The following TMPRSS11F variants were observed in gnomAD, a reference collection of about 807,000 sequenced individuals.
TMPRSS11F encodes the protein transmembrane protease serine 11F.
Under a neutral mutation model 60.2 loss-of-function variants are expected in TMPRSS11F, and 47 were observed. The observed-to-expected ratio is 0.78, with a 90% CI of 0.62 to 1.00. The LOEUF (loss-of-function observed/expected upper bound fraction) is 1.00, where lower values mean the gene tolerates loss of function less well. Among genes scored for constraint, TMPRSS11F ranks in the 50% least tolerant of loss-of-function variants. The pLI, the probability that TMPRSS11F is intolerant of heterozygous loss-of-function variation, is 0.00. For missense variants in TMPRSS11F, 519 were observed against 522.9 expected (o/e 0.99, Z 0.07); for synonymous variants, 166 against 167.3 (o/e 0.99, Z 0.06).
intron 7 of TMPRSS11F, among the ~76,000 whole-genome samples, chr4:68,065,321 T>C (rs1461477542): frequency 6.6e-6 from 1 of 152,158 alleles, no homozygotes; most frequent in South Asian, 2.1e-4. Flanking sequence ...ACTCACTTTT[T>C]GGTTCTTATT....
chr4:68,087,993 G>A (rs1293529044), intron 3 of TMPRSS11F, among the ~76,000 whole-genome samples: 3 of 150,978 alleles, frequency 2.0e-5, no homozygotes, highest in Non-Finnish European at 2.9e-5. Context: ...TCTTGCGATA[G>A]TTTACTGAGA....
chr4:68,081,492 A>G (rs1723695777), intron 3 of TMPRSS11F, among the ~76,000 whole-genome samples: 1 of 152,198 alleles, frequency 6.6e-6, no homozygotes, highest in Non-Finnish European at 1.5e-5. Flanking sequence ...TAATTACTGG[A>G]TGCTCCCAAG....
chr4:68,099,588 T>G (rs1156706006), intron 1 of TMPRSS11F, among the ~76,000 whole-genome samples: 1 of 152,220 alleles, frequency 6.6e-6, no homozygotes, highest in Non-Finnish European at 1.5e-5. Flanking sequence ...TTACATCATT[T>G]ACCTTTTTCC....
At chr4:68,088,912 A>C (rs1355262322) in intron 3 of TMPRSS11F, among the ~76,000 whole-genome samples, 2 of 152,108 alleles carry the variant, frequency 1.3e-5, no homozygotes, top group African/African-American at 2.4e-5. Context: ...AGACAAAACA[A>C]ACGTTGTCTC....
intron 5 of TMPRSS11F, 72 bp downstream of exon 5, chr4:68,072,237 ATATATATATATATT>A (rs1450247047): frequency 7.1e-6 from 1 of 140,454 alleles, no homozygotes; most frequent in Non-Finnish European, 1.5e-5. Context: ...AAAAATATAT[ATATATATATATATT>A]GCTTACAAAA....
intron 3 of TMPRSS11F, among the ~76,000 whole-genome samples, chr4:68,075,006 A>T (rs1322108943): frequency 6.6e-6 from 1 of 152,214 alleles, no homozygotes; most frequent in Non-Finnish European, 1.5e-5. Context: ...AAATTTTTTT[A>T]AAAAGCACTG....
Position 68,064,858 on chromosome 4 carries a change from A to C in TMPRSS11F, c.842T>G (p.Leu281Arg), listed in dbSNP as rs1723289821. ...TGTTTCTCTATGGTAATTCTCATGA[A>C]GAATAATTTTCCTCACATTTCGTTT... Reference protein sequence around the residue: ...AVKRNVRKIILHENYHRETNE... With the variant: ...AVKRNVRKIIRHENYHRETNE... Residue 281 changes from leucine (L) to arginine (R), a missense_variant, in exon 8 of 10, where the codon CTT becomes CGT. Leu to Arg is a moderately radical substitution (Grantham distance 102). Transcript: ENST00000356291. 1.9e-6 allele frequency: 3 copies of C among 1,614,126 alleles called. No individual in the cohort carries two copies. Among genetic ancestry groups the C allele is most frequent in the Non-Finnish European group, 1.7e-6 (2 of 1,179,980 alleles).
chr4:68,118,598 G>A (rs1423074019), intron 1 of TMPRSS11F, among the ~76,000 whole-genome samples: 1 of 152,156 alleles, frequency 6.6e-6, no homozygotes, highest in Non-Finnish European at 1.5e-5. Flanking sequence ...GTAATTCTGA[G>A]ATTTCTTAAT....
chr4:68,059,357 C>T lies in TMPRSS11F; in HGVS notation c.1127G>A (p.Gly376Glu), dbSNP rs200477883. Residue 376 changes from glycine to glutamate, a missense_variant, in exon 9 of 10, where the codon GGA becomes GAA. Physicochemically the swap from Gly to Glu is moderately conservative, Grantham distance 98 (BLOSUM62 -2). Coordinates refer to ENST00000356291, the MANE Select transcript of TMPRSS11F (RefSeq NM_207407.2). ...TGCATCTATTTTTCCTTCCATGAATCCAGCACATAACATTCCTGGAGTTAT... is the reference window on the plus strand; with the variant it reads ...TGCATCTATTTTTCCTTCCATGAATTCAGCACATAACATTCCTGGAGTTAT... Reference protein sequence around the residue: ...GLITPGMLCAGFMEGKIDACK... With the variant: ...GLITPGMLCAEFMEGKIDACK... 3.3e-5 allele frequency: 54 copies of T among 1,613,544 alleles called. No individual in the cohort carries two copies. Among genetic ancestry groups the T allele is most frequent in the Non-Finnish European group, 3.4e-5 (40 of 1,179,878 alleles).
chr4:68,120,645 C>T (rs1577937937), intron 1 of TMPRSS11F, among the ~76,000 whole-genome samples: 1 of 152,106 alleles, frequency 6.6e-6, no homozygotes, highest in Non-Finnish European at 1.5e-5. Context: ...GCCTCGGCCT[C>T]CCAAAGTGCT....
At chr4:68,077,819 T>C (rs1175897613) in intron 3 of TMPRSS11F, among the ~76,000 whole-genome samples, 1 of 152,192 alleles carries the variant, frequency 6.6e-6, no homozygotes, top group Non-Finnish European at 1.5e-5. Flanking sequence ...TCATCAACTG[T>C]GCAAGGAACA....
chr4:68,084,335 T>C (rs1577921391), intron 3 of TMPRSS11F, among the ~76,000 whole-genome samples: 1 of 151,934 alleles, frequency 6.6e-6, no homozygotes, highest in African/African-American at 2.4e-5. Context: ...CAAGAGGCAA[T>C]ATAAGACAAC....
intron 3 of TMPRSS11F, among the ~76,000 whole-genome samples, chr4:68,089,150 T>G (rs1311017885): frequency 6.6e-6 from 1 of 152,060 alleles, no homozygotes; most frequent in Admixed American, 6.6e-5. Context: ...TACATGAACT[T>G]TTAGGGAAAT....
intron 1 of TMPRSS11F, among the ~76,000 whole-genome samples, chr4:68,128,395 C>T (rs1329152000): frequency 6.6e-6 from 1 of 152,004 alleles, no homozygotes. Flanking sequence ...CTATGTACCC[C>T]ATAAATACGT....
At chr4:68,061,386 A>G (rs1723170658) in intron 8 of TMPRSS11F, among the ~76,000 whole-genome samples, 1 of 152,242 alleles carries the variant, frequency 6.6e-6, no homozygotes, top group Admixed American at 6.5e-5. Context: ...TTATCCGTAA[A>G]TTTCATAAAG....
rs963147340 is a variant in TMPRSS11F at position 68,090,591 on chromosome 4, A to G, written c.214T>C (p.Tyr72His). The G allele has an allele frequency of 6.2e-7, 1 of 1,601,774 alleles. No homozygotes were observed. Among genetic ancestry groups the G allele is most frequent in the African/African-American group, 1.3e-5 (1 of 74,350 alleles). ...GATCTTATGCCATAATTTTCTTTAT[A>G]TTTGATATTTGTGACTTTAAAAGAG... ...LASFKVTNIK[Y>H]KENYGIRSSR... is the part of the protein sequence containing the mutation. Residue 72 changes from tyrosine (Y) to histidine (H), a missense_variant, in exon 3 of 10, where the codon TAT becomes CAT. Transcript: ENST00000356291.
chr4:68,090,445 A>G (rs1331849782), intron 3 of TMPRSS11F, 78 bp downstream of exon 3: 1 of 1,477,124 alleles, frequency 6.8e-7, no homozygotes, highest in African/African-American at 1.4e-5. Flanking sequence ...AATTGAGACT[A>G]AGTTCCTATA....
chr4:68,126,117 T>C (rs779859409), intron 1 of TMPRSS11F, among the ~76,000 whole-genome samples: 7 of 152,164 alleles, frequency 4.6e-5, no homozygotes, highest in Non-Finnish European at 7.4e-5. Flanking sequence ...CTTCCTCCTA[T>C]GGTGTTATAA....
intron 1 of TMPRSS11F, among the ~76,000 whole-genome samples, chr4:68,110,940 G>A (rs1041459498): frequency 6.6e-6 from 1 of 152,118 alleles, no homozygotes; most frequent in Non-Finnish European, 1.5e-5. Context: ...GAAATGGACA[G>A]TACAACTCTT....
Sources: allele counts gnomAD v4.1 joint callset (sites outside exome capture counted in the v4.1 genomes callset), GRCh38; gene constraint gnomAD v4.1.1; transcripts MANE v1.5; gene names NCBI Gene and HGNC (gene_info 2026-07-23, HGNC 2026-07-21).